Variants in OOEP observed in about 807,000 individuals in gnomAD.
OOEP encodes oocyte-expressed protein homolog.
In OOEP, 16 loss-of-function variants were observed where a neutral mutation model predicts 13.7. That is an observed-to-expected ratio of 1.16 (90% CI 0.79 to 1.77). The LOEUF (loss-of-function observed/expected upper bound fraction) is 1.77. OOEP is among the 40% of genes most tolerant of loss of function. The probability of loss-of-function intolerance (pLI) is 0.00; values close to 1 mark genes in which losing one functional copy is unlikely to be tolerated. For synonymous variants in OOEP, 89 were observed against 77.1 expected (o/e 1.15, Z -0.81); for missense variants, 195 against 193.1 (o/e 1.01, Z -0.06).
intron 2 of OOEP, among the ~76,000 whole-genome samples, chr6:73,382,997 C>T (rs554209027): frequency 2.0e-5 from 3 of 151,632 alleles, no homozygotes; most frequent in Non-Finnish European, 4.4e-5. Context: ...CCACCATGCA[C>T]GTCTAATTTT....
exon 1 of OOEP, chr6:73,395,064 CA>C: frequency 6.2e-7 from 1 of 1,613,612 alleles, no homozygotes; most frequent in South Asian, 1.1e-5. Flanking sequence ...GCTGGAGAGG[CA>C]CCTCTAGGCC....
chr6:73,368,966 A>C lies in OOEP; in HGVS notation c.371-103T>G, dbSNP rs184675137. 6.2e-5 allele frequency: 59 copies of C among 953,676 alleles called. No homozygotes were observed. In the East Asian group the frequency reaches 1.4e-3, roughly 23 times the overall value. 59.1% of individuals were successfully genotyped at this position (953,676 alleles called of 1,614,324 possible). A position where few individuals can be genotyped will look rare whatever the true frequency, so the allele number is the denominator to read the frequency against. On this transcript the variant is annotated intron_variant, in intron 2 of 2. Transcript: ENST00000370359. ...TGGGGAGGAGAGAAAGATCTGCGAT[A>C]GTGCTGTAACCCAGGTGAGGCTGAC...
chr6:73,395,064 C>A, exon 1 of OOEP: 1 of 1,613,612 alleles, frequency 6.2e-7, no homozygotes, highest in Non-Finnish European at 8.5e-7. Context: ...GCTGGAGAGG[C>A]ACCTCTAGGC....
At chr6:73,373,392 T>C, upstream of OOEP, 1 of 913,184 alleles carries the variant, frequency 1.1e-6, no homozygotes, top group Non-Finnish European at 1.8e-6. Flanking sequence ...TGGCACGATC[T>C]CAGCTCACTG....
intron 2 of OOEP, among the ~76,000 whole-genome samples, chr6:73,388,005 T>G (rs1290843679): frequency 1.3e-5 from 2 of 152,124 alleles, no homozygotes; most frequent in Non-Finnish European, 2.9e-5. Flanking sequence ...AGCCATCCGA[T>G]TACCTGGGAC....
At position 73,389,541 on chromosome 6, in the gene OOEP, A is replaced by AAGGCTT. The variant is rs1437703776; in HGVS notation, c.25+4799_25+4804dup. Among the ~76,000 whole-genome samples, 4 of 152,104 alleles carry AAGGCTT rather than the reference A, an allele frequency of 2.6e-5. No homozygotes were observed. In the South Asian group the frequency reaches 8.3e-4, roughly 32 times the overall value. On this transcript the variant is annotated intron_variant, in intron 2 of 3. Coordinates refer to the OOEP transcript ENST00000370363. The stretch of plus-strand genomic sequence containing the variant: ...TAGATTCCACCGCTTTTTATCGCAA[A>AAGGCTT]AGGCTTAGGCTTAGGCTGTCACAGG...
chr6:73,375,421 A>C (rs1031850495), intron 2 of OOEP, among the ~76,000 whole-genome samples: 1 of 151,998 alleles, frequency 6.6e-6, no homozygotes, highest in African/African-American at 2.4e-5. Flanking sequence ...CTACAAAAAA[A>C]TTAAAAATTA....
chr6:73,371,557 T>C (rs1003849804), upstream of OOEP, among the ~76,000 whole-genome samples: 1 of 152,098 alleles, frequency 6.6e-6, no homozygotes, highest in Non-Finnish European at 1.5e-5. Context: ...GAGACCAGCC[T>C]GACCAACATG....
At chr6:73,394,619 G>C (rs1582632592) in intron 1 of OOEP, 6 of 331,366 alleles carry the variant, frequency 1.8e-5, no homozygotes, top group Non-Finnish European at 3.4e-5. Flanking sequence ...TACACAGTGG[G>C]GGGGTGGGGG....
chr6:73,394,692 TG>T, intron 1 of OOEP: 1 of 670,792 alleles, frequency 1.5e-6, no homozygotes, highest in Non-Finnish European at 2.5e-6. Flanking sequence ...TGGCTAAAAC[TG>T]GGAAAGTCCC....
chr6:73,382,724 C>G (rs1386608530), intron 2 of OOEP, among the ~76,000 whole-genome samples: 1 of 150,438 alleles, frequency 6.6e-6, no homozygotes, highest in Non-Finnish European at 1.5e-5. Context: ...CTAATTTTTA[C>G]TTTTATTTTT....
intron 2 of OOEP, among the ~76,000 whole-genome samples, chr6:73,387,988 G>GTC (rs1769298195): frequency 6.6e-6 from 1 of 152,140 alleles, no homozygotes; most frequent in Non-Finnish European, 1.5e-5. Flanking sequence ...TCATGCCTCA[G>GTC]TGCCTCAGCC....
At chr6:73,369,421 G>A (rs1014020046) in intron 1 of OOEP, 36 bp from the exon 2 acceptor site, 10 of 1,585,688 alleles carry the variant, frequency 6.3e-6, no homozygotes, top group South Asian at 1.1e-5. Context: ...GGGGCTGCAC[G>A]GTGGCAGGTT....
At chr6:73,389,401 CT>C (rs36018892) in intron 2 of OOEP, among the ~76,000 whole-genome samples, 9,668 of 151,270 alleles carry the variant, frequency 0.064, 396 homozygotes, top group South Asian at 0.13. Flanking sequence ...ACCTTTTTAT[CT>C]TTTTTTTTGG....
At chr6:73,376,073 C>T (rs565073363) in intron 2 of OOEP, among the ~76,000 whole-genome samples, 10 of 152,134 alleles carry the variant, frequency 6.6e-5, no homozygotes, top group African/African-American at 2.2e-4. Context: ...TGTGAGCCAC[C>T]GCACCCAGCC....
At chr6:73,371,773 A>AT (rs1562277248), upstream of OOEP, among the ~76,000 whole-genome samples, 3 of 147,990 alleles carry the variant, frequency 2.0e-5, 1 homozygote, top group African/African-American at 7.4e-5. Flanking sequence ...AAATAAAAAT[A>AT]AAAAAATTTG....
rs934609763 is a variant in OOEP at position 73,369,637 on chromosome 6, G to C, written c.156C>G (p.Phe52Leu). Residue 52 changes from phenylalanine to leucine, a missense_variant, in exon 1 of 3, where the codon TTC becomes TTG. Physicochemically the swap from Phe to Leu is conservative, Grantham distance 22 (BLOSUM62 0). Coordinates refer to ENST00000370359, the MANE Select transcript of OOEP (RefSeq NM_001080507.3). ...CGTCTGCCAGCCATGCCTCTAGGTA[G>C]AACACCAAAGGGTCTCTCAGTTCCT... is the stretch of plus-strand genomic sequence containing the variant. ...PVQELRDPLV[F>L]YLEAWLADEL... 1 of 1,614,030 alleles carries C rather than the reference G, an allele frequency of 6.2e-7. No homozygotes were observed.
intron 2 of OOEP, among the ~76,000 whole-genome samples, chr6:73,393,992 C>T (rs1769396844): frequency 6.6e-6 from 1 of 152,142 alleles, no homozygotes; most frequent in Non-Finnish European, 1.5e-5. Flanking sequence ...AACCCAATCA[C>T]ACTTATGACT....
At position 73,369,866 on chromosome 6, in the gene OOEP, C is replaced by T. The variant is rs1053038101; in HGVS notation, c.-74G>A. Reference sequence around the variant, plus strand: ...CTCTTCCAGACCCAGGCGCGAAGCTCGGGCTCTCTTTTACCATATTCGACC... The same window carrying T: ...CTCTTCCAGACCCAGGCGCGAAGCTTGGGCTCTCTTTTACCATATTCGACC... On this transcript the variant is annotated 5_prime_UTR_variant, in exon 1 of 3. Coordinates refer to ENST00000370359, the MANE Select transcript of OOEP (RefSeq NM_001080507.3). 9.2e-6 allele frequency: 13 copies of T among 1,411,218 alleles called. No homozygotes were observed. The highest frequency in any genetic ancestry group is 5.0e-5 in the South Asian group (4 of 80,788). The allele number at this position is 1,411,218 out of a possible 1,614,324, so 87.4% of individuals were successfully genotyped here.
Sources: allele counts gnomAD v4.1 joint callset (sites outside exome capture counted in the v4.1 genomes callset), GRCh38; gene constraint gnomAD v4.1.1; transcripts MANE v1.5; gene names NCBI Gene and HGNC (gene_info 2026-07-23, HGNC 2026-07-21).